Variants in FERMT2 observed in about 807,000 individuals in gnomAD.
The protein encoded by FERMT2 is fermitin family homolog 2.
A neutral mutation model predicts 82.7 loss-of-function variants in FERMT2; 15 were observed. The observed-to-expected ratio is 0.18, with a 90% confidence interval of 0.12 to 0.28. FERMT2 has a LOEUF of 0.28. Ranked by LOEUF, FERMT2 falls within the 10% of genes least tolerant of loss-of-function variation. The pLI, the probability that FERMT2 is intolerant of heterozygous loss-of-function variation, is 1.00. For synonymous variants in FERMT2, 274 were observed against 271.5 expected, an observed-to-expected ratio of 1.01 and a Z score of -0.09; for missense variants, 645 against 809.4, an observed-to-expected ratio of 0.80 and a Z score of 2.46.
chr14:52,888,111 ATTTAT>A (rs1886719609), intron 4 of FERMT2, among the ~76,000 whole-genome samples: 2 of 152,174 alleles, frequency 1.3e-5, no homozygotes, highest in Non-Finnish European at 2.9e-5. Context: ...AAATTCATAT[ATTTAT>A]TTTGTTTATA....
At chr14:52,902,844 G>A (rs959626600) in intron 3 of FERMT2, among the ~76,000 whole-genome samples, 1 of 100,950 alleles carries the variant, frequency 9.9e-6, no homozygotes, top group Non-Finnish European at 1.9e-5. Context: ...ACTCCAGCCT[G>A]GGTGGCTGAG....
chr14:52,922,447 C>A (rs1214420379), intron 2 of FERMT2, among the ~76,000 whole-genome samples: 1 of 150,460 alleles, frequency 6.6e-6, no homozygotes. Context: ...GCCTCCATAG[C>A]ACCTGTTACA....
At chr14:52,928,593 A>G (rs1263173614) in intron 2 of FERMT2, among the ~76,000 whole-genome samples, 1 of 152,186 alleles carries the variant, frequency 6.6e-6, no homozygotes, top group Non-Finnish European at 1.5e-5. Flanking sequence ...TTAAACTTAG[A>G]GGACTTTTCC....
chr14:52,924,735 T>C (rs1353053901), intron 2 of FERMT2, among the ~76,000 whole-genome samples: 1 of 152,078 alleles, frequency 6.6e-6, no homozygotes, highest in East Asian at 1.9e-4. Flanking sequence ...ATAATAGCGA[T>C]CAATAGATAG....
At chr14:52,932,667 T>C (rs992229492) in intron 2 of FERMT2, among the ~76,000 whole-genome samples, 2 of 152,238 alleles carry the variant, frequency 1.3e-5, no homozygotes, top group African/African-American at 4.8e-5. Flanking sequence ...AGACTTCTAC[T>C]GTCCAAAAAT....
intron 8 of FERMT2, among the ~76,000 whole-genome samples, 175 bp downstream of exon 8, chr14:52,875,048 C>T (rs1372355869): frequency 6.6e-6 from 1 of 152,168 alleles, no homozygotes; most frequent in African/African-American, 2.4e-5. Context: ...GAACGAGACC[C>T]TGTCTCAAAA....
intron 14 of FERMT2, chr14:52,858,785 G>A (rs1884721560): frequency 2.3e-6 from 1 of 436,332 alleles, no homozygotes; most frequent in Non-Finnish European, 4.1e-6. Context: ...GACTAGGAAT[G>A]CAAGGGTTTT....
intron 4 of FERMT2, among the ~76,000 whole-genome samples, chr14:52,889,320 C>T (rs1270846116): frequency 2.6e-5 from 4 of 152,056 alleles, no homozygotes; most frequent in Admixed American, 1.3e-4. Context: ...CACAAATGTC[C>T]CTTAGGACAT....
intron 1 of FERMT2, 63 bp from the exon 2 acceptor site, chr14:52,950,640 C>G (rs1299330549): frequency 6.5e-7 from 1 of 1,528,458 alleles, no homozygotes; most frequent in African/African-American, 1.4e-5. Context: ...CGAATCCCAC[C>G]GAATTCGCAG....
At chr14:52,943,616 G>A (rs772024174) in intron 2 of FERMT2, among the ~76,000 whole-genome samples, 1 of 152,118 alleles carries the variant, frequency 6.6e-6, no homozygotes, top group Non-Finnish European at 1.5e-5. Flanking sequence ...TGCAAGAGAA[G>A]TTTCTTGTTC....
At chr14:52,897,017 C>G (rs1306408130) in intron 3 of FERMT2, among the ~76,000 whole-genome samples, 1 of 146,698 alleles carries the variant, frequency 6.8e-6, no homozygotes, top group Non-Finnish European at 1.5e-5. Flanking sequence ...CACACACACA[C>G]ACACACACAC....
chr14:52,902,945 C>A (rs1333548327), intron 3 of FERMT2, among the ~76,000 whole-genome samples: 11 of 125,384 alleles, frequency 8.8e-5, no homozygotes, highest in African/African-American at 3.0e-4. Context: ...AAAAAAAAAT[C>A]CAATATAAAG....
chr14:52,945,478 T>TC lies in FERMT2; in HGVS notation c.157+4933dup, dbSNP rs1432166305. Reference sequence around the variant, plus strand: ...CATGTTGGCCAGGCTGGTCTAGAACTCCTGACCTCAGGTGATCCACCTGCC... The same window carrying TC: ...CATGTTGGCCAGGCTGGTCTAGAACTCCCTGACCTCAGGTGATCCACCTGCC... On this transcript the variant is annotated intron_variant, in intron 2 of 14. Transcript: ENST00000341590. 9.9e-5 allele frequency among the ~76,000 whole-genome samples: 15 copies of TC among 152,122 alleles called. No individual in the cohort carries two copies. The South Asian group carries it at 2.9e-3, about 30-fold the overall frequency.
chr14:52,915,451 G>C (rs774813870), intron 3 of FERMT2, among the ~76,000 whole-genome samples: 13 of 151,234 alleles, frequency 8.6e-5, no homozygotes, highest in African/African-American at 1.5e-4. Flanking sequence ...GAAAAGAAGA[G>C]AGCATACAAA....
intron 6 of FERMT2, 82 bp from the exon 7 acceptor site, chr14:52,878,771 G>A: frequency 1.5e-6 from 1 of 655,588 alleles, no homozygotes; most frequent in African/African-American, 1.8e-5. Context: ...CAATTGACAA[G>A]AAAAATTTAA....
At chr14:52,908,409 A>G (rs1248069608) in intron 3 of FERMT2, among the ~76,000 whole-genome samples, 1 of 152,198 alleles carries the variant, frequency 6.6e-6, no homozygotes, top group Non-Finnish European at 1.5e-5. Context: ...TAAAATAATG[A>G]GCCCAGCCCT....
chr14:52,859,673 T>G lies in FERMT2; in HGVS notation c.1769A>C (p.Tyr590Ser). The part of the protein sequence containing the change: ...GKKEELIGIA[Y>S]NRLIRMDAST... ...GGCATCCATCCGAATCAGTCTGTTG[T>G]ATGCAATTCCAATAAGTTCTTCTTT... is the stretch of plus-strand genomic sequence containing the variant. The change falls in exon 14 of 15, where the codon TAC becomes TCC. Residue 590 changes from tyrosine to serine, a missense_variant. By Grantham distance (144) the Tyr-to-Ser change is moderately radical. Transcript: ENST00000341590. The G allele has an allele frequency of 6.2e-7, 1 of 1,606,798 alleles. No homozygotes were observed. Among genetic ancestry groups the G allele is most frequent in the Non-Finnish European group, 8.5e-7 (1 of 1,176,244 alleles).
chr14:52,914,382 A>C (rs1393370487), intron 3 of FERMT2, among the ~76,000 whole-genome samples: 2 of 148,180 alleles, frequency 1.3e-5, no homozygotes, highest in East Asian at 2.0e-4. Flanking sequence ...AAAGCAAAAA[A>C]CAAAACAAAA....
At chr14:52,894,676 C>A (rs1887149384) in intron 3 of FERMT2, among the ~76,000 whole-genome samples, 1 of 151,998 alleles carries the variant, frequency 6.6e-6, no homozygotes, top group Non-Finnish European at 1.5e-5. Flanking sequence ...AAAGAAAAAT[C>A]TTTTCAACAA....
Sources: gnomAD v4.1 joint callset for allele counts (sites outside exome capture counted in the v4.1 genomes callset) on GRCh38, gnomAD v4.1.1 for gene constraint, MANE v1.5 for transcripts, NCBI Gene and HGNC (gene_info 2026-07-23, HGNC 2026-07-21) for gene names.